The following MAP2K6 variants were observed in gnomAD, a reference collection of about 807,000 sequenced individuals.
The protein encoded by MAP2K6 is dual specificity mitogen-activated protein kinase kinase 6.
Under a neutral mutation model 53.7 loss-of-function variants are expected in MAP2K6, and 16 were observed. That is an observed-to-expected ratio of 0.30 (90% CI 0.20 to 0.45). MAP2K6 has a LOEUF of 0.45. Ranked by LOEUF, MAP2K6 falls within the 20% of genes least tolerant of loss-of-function variation. The pLI, the probability that MAP2K6 is intolerant of heterozygous loss-of-function variation, is 1.00. For synonymous variants in MAP2K6, 132 were observed against 143.1 expected, an observed-to-expected ratio of 0.92 and a Z score of 0.55; for missense variants, 204 against 411.9, an observed-to-expected ratio of 0.50 and a Z score of 4.37.
rs1912159259 is a variant in MAP2K6 at position 69,552,947 on chromosome 17, T to C, written c.*11194T>C. 1.3e-5 allele frequency: 2 copies of C among 152,200 alleles called. No individual in the cohort carries two copies. Among genetic ancestry groups the C allele is most frequent in the South Asian group, 4.1e-4 (2 of 4,834 alleles). The allele number at this position is 152,200 out of a possible 1,614,324, so 9.4% of individuals were successfully genotyped here. On this transcript the variant is annotated 3_prime_UTR_variant, in exon 12 of 12. Transcript: ENST00000590474. ...GCCAGTATGCAGGACTTGCAGTAGA[T>C]ATAAGCATTGGTGTTAACATAGGTT... is the stretch of plus-strand genomic sequence containing the variant.
chr17:69,548,879 T>C lies in MAP2K6; in HGVS notation c.*7126T>C, dbSNP rs1911983273. 1 of 152,228 alleles carries C rather than the reference T, an allele frequency of 6.6e-6. No homozygotes were observed. The highest frequency in any genetic ancestry group is 2.4e-5 in the African/African-American group (1 of 41,470). 9.4% of individuals were successfully genotyped at this position (152,228 alleles called of 1,614,324 possible). ...ATCTTTTCAGTTTCTGACCCAGATT[T>C]CTTTTTCAAGCAAAACTCCTCTGAA... On this transcript the variant is annotated 3_prime_UTR_variant, in exon 12 of 12. Coordinates refer to ENST00000590474, the MANE Select transcript of MAP2K6 (RefSeq NM_002758.4).
chr17:69,505,021 C>A (rs1057140643), intron 1 of MAP2K6, among the ~76,000 whole-genome samples: 1 of 150,318 alleles, frequency 6.7e-6, no homozygotes, highest in Non-Finnish European at 1.5e-5. Flanking sequence ...GTTAACAGAT[C>A]GATTTAGAAA....
rs1334050769 is a variant in MAP2K6, at chr17:69,550,634, A to C, written c.*8881A>C. 2.6e-5 allele frequency: 4 copies of C among 152,154 alleles called. No homozygotes were observed. The highest frequency in any genetic ancestry group is 4.4e-5 in the Non-Finnish European group (3 of 68,028). The allele number at this position is 152,154 out of a possible 1,614,324, so 9.4% of individuals were successfully genotyped here. On this transcript the variant is annotated 3_prime_UTR_variant, in exon 12 of 12. Transcript: ENST00000590474. ...TATGTTCAATACTTGGGGAGATAAGAGCGAGGTACAGCTGTGGTTTTCAGA... is the reference window on the plus strand; with the variant it reads ...TATGTTCAATACTTGGGGAGATAAGCGCGAGGTACAGCTGTGGTTTTCAGA...
chr17:69,473,395 T>C (rs983992600), intron 1 of MAP2K6, among the ~76,000 whole-genome samples: 8 of 152,202 alleles, frequency 5.3e-5, no homozygotes, highest in Non-Finnish European at 1.2e-4. Flanking sequence ...ATTCTATATC[T>C]ATGCAAGCAT....
At chr17:69,423,448 C>T (rs1906162208) in intron 1 of MAP2K6, among the ~76,000 whole-genome samples, 1 of 152,296 alleles carries the variant, frequency 6.6e-6, no homozygotes, top group Middle Eastern at 3.4e-3. Context: ...TATTTGCTAT[C>T]TGGTCCCTTG....
At chr17:69,541,059 C>G (rs900061923) in intron 11 of MAP2K6, among the ~76,000 whole-genome samples, 8 of 152,140 alleles carry the variant, frequency 5.3e-5, no homozygotes, top group Non-Finnish European at 1.2e-4. Flanking sequence ...GTCAGGAGAT[C>G]AAGACCATCC....
chr17:69,530,054 T>G (rs1911000210), intron 10 of MAP2K6, among the ~76,000 whole-genome samples: 1 of 152,230 alleles, frequency 6.6e-6, no homozygotes, highest in Non-Finnish European at 1.5e-5. Context: ...AAACTGTTAA[T>G]TCTATTAATA....
At chr17:69,449,715 G>A (rs1462613658) in intron 1 of MAP2K6, among the ~76,000 whole-genome samples, 1 of 137,462 alleles carries the variant, frequency 7.3e-6, no homozygotes, top group African/African-American at 2.7e-5. Flanking sequence ...TGGGGTTCAC[G>A]CCATTCTCCT....
At position 69,552,428 on chromosome 17, in the gene MAP2K6, A is replaced by G. The variant is rs1912138932; in HGVS notation, c.*10675A>G. ...GGCTCCCATCTTTCCTGCCAGGTGC[A>G]GCTTTTTCTGGTTGGAATCATCTCT... On this transcript the variant is annotated 3_prime_UTR_variant, in exon 12 of 12. Transcript: ENST00000590474. 6.6e-6 allele frequency: 1 copy of G among 152,268 alleles called. No homozygotes were observed. Among genetic ancestry groups the G allele is most frequent in the South Asian group, 2.1e-4 (1 of 4,834 alleles). 9.4% of individuals were successfully genotyped at this position (152,268 alleles called of 1,614,324 possible). A position where few individuals can be genotyped will look rare whatever the true frequency, so the allele number is the denominator to read the frequency against.
intron 1 of MAP2K6, among the ~76,000 whole-genome samples, chr17:69,495,344 C>T (rs145763032): frequency 0.013 from 1,950 of 151,914 alleles, 39 homozygotes; most frequent in African/African-American, 0.044. Flanking sequence ...CAAGTGATTC[C>T]CCTGCCTCAG....
At chr17:69,464,770 C>T (rs1340996227) in intron 1 of MAP2K6, among the ~76,000 whole-genome samples, 1 of 152,128 alleles carries the variant, frequency 6.6e-6, no homozygotes. Flanking sequence ...AGCTGGAGTG[C>T]AGTGGTGTGA....
chr17:69,455,804 C>G (rs1198282212), intron 1 of MAP2K6, among the ~76,000 whole-genome samples: 1 of 151,070 alleles, frequency 6.6e-6, no homozygotes, highest in Non-Finnish European at 1.5e-5. Flanking sequence ...TATAGCATGA[C>G]CAACCCTGCA....
intron 1 of MAP2K6, among the ~76,000 whole-genome samples, chr17:69,422,124 ATTTTTTTTTTT>A (rs35694490): frequency 9.7e-4 from 85 of 87,388 alleles, no homozygotes; most frequent in African/African-American, 3.5e-3. Context: ...AATCATCGTA[ATTTTTTTTTTT>A]TTTTTTTTTT....
At position 69,497,883 on chromosome 17, in the gene MAP2K6, C is replaced by A. The variant is rs147338083; in HGVS notation, c.17-7897C>A. ...AAAGAAGACATACAGTATAACAAAC[C>A]CTCAGGTACCCTTAAATCCTACCAA... On this transcript the variant is annotated intron_variant, in intron 1 of 11. Coordinates refer to ENST00000590474, the MANE Select transcript of MAP2K6 (RefSeq NM_002758.4). Among the ~76,000 whole-genome samples the A allele has an allele frequency of 6.6e-5, 10 of 152,222 alleles. No individual in the cohort carries two copies. In the East Asian group the frequency reaches 1.4e-3, roughly 21 times the overall value.
At chr17:69,439,784 A>C (rs1175949620) in intron 1 of MAP2K6, among the ~76,000 whole-genome samples, 1 of 152,186 alleles carries the variant, frequency 6.6e-6, no homozygotes. Context: ...TGAGAACAAC[A>C]TTCCCTTAGG....
chr17:69,474,706 C>A (rs773772882), intron 1 of MAP2K6, among the ~76,000 whole-genome samples: 13 of 152,176 alleles, frequency 8.5e-5, no homozygotes, highest in Non-Finnish European at 1.6e-4. Flanking sequence ...ACTTCTAGGA[C>A]CCTGAATGCT....
At chr17:69,483,028 G>A (rs1908402695) in intron 1 of MAP2K6, among the ~76,000 whole-genome samples, 1 of 151,748 alleles carries the variant, frequency 6.6e-6, no homozygotes, top group South Asian at 2.1e-4. Context: ...AAAAATCAGA[G>A]GACATCTCCC....
Position 69,520,375 on chromosome 17 carries a change from A to T in MAP2K6, c.472A>T (p.Ile158Leu), listed in dbSNP as rs1349519186. Residue 158 changes from isoleucine to leucine, a missense_variant, in exon 6 of 12, where the codon ATA (isoleucine) becomes TTA (leucine). This residue lies in a region of MAP2K6 where 129 missense variants were observed against 247.1 expected (regional missense o/e 0.52). Coordinates refer to ENST00000590474, the MANE Select transcript of MAP2K6 (RefSeq NM_002758.4). ...AATTCCAGAGGACATCTTAGGGAAAATAGCAGTTTCTGTGAGTACATTTTG... is the reference window on the plus strand; with the variant it reads ...AATTCCAGAGGACATCTTAGGGAAATTAGCAGTTTCTGTGAGTACATTTTG... ...QTIPEDILGKIAVSIVKALEH... is the reference protein window; with the variant it reads ...QTIPEDILGKLAVSIVKALEH... 1 of 1,597,392 alleles carries T rather than the reference A, an allele frequency of 6.3e-7. No homozygotes were observed. Among genetic ancestry groups the T allele is most frequent in the Admixed American group, 1.7e-5 (1 of 57,886 alleles).
At chr17:69,446,012 A>G (rs1005194220) in intron 1 of MAP2K6, among the ~76,000 whole-genome samples, 3 of 152,248 alleles carry the variant, frequency 2.0e-5, no homozygotes, top group East Asian at 1.9e-4. Context: ...AAGAAATCAA[A>G]TGGGTACACA....
Sources: allele counts gnomAD v4.1 joint callset (sites outside exome capture counted in the v4.1 genomes callset), GRCh38; gene constraint gnomAD v4.1.1; regional missense constraint gnomAD v4.1.1; transcripts MANE v1.5; gene names NCBI Gene and HGNC (gene_info 2026-07-23, HGNC 2026-07-21).